Variants in PRRC2B observed in about 807,000 individuals in gnomAD.
PRRC2B encodes the protein proline rich coiled-coil 2B.
Under a neutral mutation model 242.3 loss-of-function variants are expected in PRRC2B, and 68 were observed. That is an observed-to-expected ratio of 0.28 (90% CI 0.23 to 0.34). The LOEUF is 0.34. Among genes scored for constraint, PRRC2B ranks in the 10% least tolerant of loss-of-function variants. The pLI, the probability that PRRC2B is intolerant of heterozygous loss-of-function variation, is 1.00. For synonymous variants in PRRC2B, 1,228 were observed against 1,173.6 expected (o/e 1.05, Z -0.95); for missense variants, 2,835 against 2,954.8 (o/e 0.96, Z 0.94).
chr9:131,420,456 T>TCCTTCCTTCCTTCCTTCCTTCCTTCCTTC (rs1564278474), intron 1 of PRRC2B, among the ~76,000 whole-genome samples: 3 of 8,756 alleles, frequency 3.4e-4, no homozygotes, highest in African/African-American at 5.7e-4. Flanking sequence ...TTTTTCTTTT[T>TCCTTCCTTCCTTCCTTCCTTCCTTCCTTC]CTTTCTTTCT....
At chr9:131,407,388 C>T (rs1017235879) in intron 1 of PRRC2B, among the ~76,000 whole-genome samples, 30 of 152,078 alleles carry the variant, frequency 2.0e-4, no homozygotes, top group Non-Finnish European at 4.0e-4. Context: ...GTGTTTATAA[C>T]GTGTGTAGTG....
intron 14 of PRRC2B, among the ~76,000 whole-genome samples, chr9:131,473,181 A>G (rs1943591165): frequency 6.6e-6 from 1 of 151,952 alleles, no homozygotes. Context: ...TGTTTTAAAC[A>G]ATGTCTCAGT....
At position 131,481,332 on chromosome 9, in the gene PRRC2B, AG is replaced by A. The variant is rs1304055690; in HGVS notation, c.4901-393del. Among the ~76,000 whole-genome samples the A allele has an allele frequency of 1.5e-3, 222 of 149,728 alleles. 1 individual carries two copies. Among genetic ancestry groups the A allele is most frequent in the African/African-American group, 5.4e-3 (221 of 40,864 alleles). On this transcript the variant is annotated intron_variant, in intron 19 of 31. Transcript: ENST00000683519. ...TCTCCAAAAAAAAAAAAAAAAAAAAAGAAAGATATATTTTTTAATGTAAAAA... is the reference window on the plus strand; with the variant it reads ...TCTCCAAAAAAAAAAAAAAAAAAAAAAAAGATATATTTTTTAATGTAAAAA...
intron 1 of PRRC2B, among the ~76,000 whole-genome samples, chr9:131,420,478 T>TC (rs1564278567): frequency 1.1e-3 from 18 of 15,702 alleles, no homozygotes; most frequent in African/African-American, 2.1e-3. Flanking sequence ...TCTTTCTTTC[T>TC]TTCTTTCTTT....
At position 131,432,567 on chromosome 9, in the gene PRRC2B, C is replaced by T. The variant is rs376374851; in HGVS notation, c.116-50C>T. On this transcript the variant is annotated intron_variant, in intron 2 of 31. Coordinates refer to ENST00000683519, the MANE Select transcript of PRRC2B (RefSeq NM_013318.4). ...CAGCTGAATGCATCAGGCTTCTTTC[C>T]TTCTGTGACCTTTTTGCATGGTGTC... 89 of 1,555,642 alleles carry T rather than the reference C, an allele frequency of 5.7e-5. 1 individual carries two copies. In the South Asian group the frequency reaches 6.5e-4, roughly 11 times the overall value.
intron 3 of PRRC2B, 34 bp downstream of exon 3, chr9:131,432,828 G>A (rs374045685): frequency 4.4e-6 from 7 of 1,608,370 alleles, no homozygotes; most frequent in African/African-American, 4.0e-5. Flanking sequence ...AGTGGGAGCT[G>A]GCGCTCCAAG....
chr9:131,446,287 T>C lies in PRRC2B; in HGVS notation c.614-114T>C. 1 of 1,335,556 alleles carries C rather than the reference T, an allele frequency of 7.5e-7. No individual in the cohort carries two copies. The highest frequency in any genetic ancestry group is 1.0e-6 in the Non-Finnish European group (1 of 989,094). The allele number at this position is 1,335,556 out of a possible 1,614,324, so 82.7% of individuals were successfully genotyped here. ...AGTTCTTCACTTTTGGTGTTTTTTG[T>C]TTTTCATTTTATTTTTTTGGTGAAG... is the stretch of plus-strand genomic sequence containing the variant. On this transcript the variant is annotated intron_variant, in intron 6 of 31. Transcript: ENST00000683519. This position sits in a 1 kb window ranked among gnomAD's most constrained non-coding sequence, Gnocchi z 4.1.
At position 131,496,067 on chromosome 9, in the gene PRRC2B, C is replaced by T. The variant is rs886781280; in HGVS notation, c.*193C>T. ...GCACCCGTGGATATATGGCATTGAC[C>T]CGCTTGCTTTGATACGAAACAAAAA... On this transcript the variant is annotated 3_prime_UTR_variant, in exon 32 of 32. Coordinates refer to ENST00000683519, the MANE Select transcript of PRRC2B (RefSeq NM_013318.4). The T allele has an allele frequency of 4.3e-6, 3 of 697,732 alleles. No individual in the cohort carries two copies. In the South Asian group the frequency reaches 6.2e-5, roughly 14 times the overall value. The allele number at this position is 697,732 out of a possible 1,614,324, so 43.2% of individuals were successfully genotyped here.
At position 131,491,410 on chromosome 9, in the gene PRRC2B, A is replaced by AT. The variant is rs757131600; in HGVS notation, c.6226-13dup. ...AGCATCATTCCCCCTCCTGACTGTCATTGTCGCCCAGCAGCTGACCATGCC... is the reference window on the plus strand; with the variant it reads ...AGCATCATTCCCCCTCCTGACTGTCATTTGTCGCCCAGCAGCTGACCATGCC... On this transcript the variant is annotated splice_polypyrimidine_tract_variant and intron_variant, in intron 28 of 31. Transcript: ENST00000683519. 3 of 1,579,776 alleles carry AT rather than the reference A, an allele frequency of 1.9e-6. No homozygotes were observed. The African/African-American group carries it at 4.1e-5, about 21-fold the overall frequency.
At chr9:131,406,643 C>G (rs1837369271) in intron 1 of PRRC2B, among the ~76,000 whole-genome samples, 1 of 152,124 alleles carries the variant, frequency 6.6e-6, no homozygotes, top group African/African-American at 2.4e-5. Flanking sequence ...GAACCTGTCT[C>G]ACAGCATTGC....
chr9:131,451,192 GATTGAGACCATCC>G (rs1480028390), intron 9 of PRRC2B, among the ~76,000 whole-genome samples: 52 of 152,306 alleles, frequency 3.4e-4, no homozygotes, highest in African/African-American at 1.2e-3. Flanking sequence ...AAGATCAGGA[GATTGAGACCATCC>G]TGGCTAACAT....
At chr9:131,415,002 T>G (rs774729969) in intron 1 of PRRC2B, among the ~76,000 whole-genome samples, 4 of 152,214 alleles carry the variant, frequency 2.6e-5, no homozygotes, top group African/African-American at 7.2e-5. Context: ...CTTTTTTGTT[T>G]GTTTTTTTGA....
intron 14 of PRRC2B, 56 bp downstream of exon 14, chr9:131,471,039 C>G (rs1943531369): frequency 7.7e-7 from 1 of 1,293,394 alleles, no homozygotes; most frequent in South Asian, 1.3e-5. Context: ...GCGTGGTGGT[C>G]AAGGGTGTCC....
rs1047751544 is a variant in PRRC2B at position 131,459,710 on chromosome 9, T to C, written c.1404+354T>C. Among the ~76,000 whole-genome samples the C allele has an allele frequency of 1.3e-4, 19 of 151,860 alleles. 1 individual carries two copies. Among genetic ancestry groups the C allele is most frequent in the Admixed American group, 6.6e-4 (10 of 15,244 alleles). ...GTGCTGCCACACCTGGCTCATTTCA[T>C]TCATTTTTTGTAGAGACGAGGTCTT... On this transcript the variant is annotated intron_variant, in intron 11 of 31. Transcript: ENST00000683519.
In PRRC2B at chr9:131,474,851, C is replaced by G; in HGVS notation, c.2722C>G (p.Pro908Ala). The G allele has an allele frequency of 6.2e-7, 1 of 1,609,620 alleles. No homozygotes were observed. The highest frequency in any genetic ancestry group is 8.5e-7 in the Non-Finnish European group (1 of 1,178,578). Residue 908 changes from proline (P) to alanine (A), a missense_variant, in exon 16 of 32, where the codon CCC becomes GCC. Physicochemically the swap from Pro to Ala is conservative, Grantham distance 27. This residue lies in a region of PRRC2B where 1,536 missense variants were observed against 1,483.1 expected (regional missense o/e 1.04). Coordinates refer to ENST00000683519, the MANE Select transcript of PRRC2B (RefSeq NM_013318.4). ...CTCCTCCTGGGACAAGAACGGGAGC[C>G]CCAACAAACAGCCATCCTCGGAGCC... ...NISSWDKNGS[P>A]NKQPSSEPEW...
chr9:131,493,488 A>G (rs1222415486), intron 30 of PRRC2B, among the ~76,000 whole-genome samples: 1 of 152,254 alleles, frequency 6.6e-6, no homozygotes, highest in Non-Finnish European at 1.5e-5. Context: ...AGCCTTCCTC[A>G]AAAAGCAAAA....
intron 1 of PRRC2B, among the ~76,000 whole-genome samples, chr9:131,399,087 C>G (rs562257635): frequency 2.7e-4 from 40 of 150,760 alleles, no homozygotes; most frequent in African/African-American, 9.8e-4. Flanking sequence ...ACCAGCCTGG[C>G]CAACATGGTG....
At position 131,446,688 on chromosome 9, in the gene PRRC2B, G is replaced by T; in HGVS notation, c.855+46G>T. On this transcript the variant is annotated intron_variant, in intron 7 of 31. Transcript: ENST00000683519. This position sits in a 1 kb window ranked among gnomAD's most constrained non-coding sequence, Gnocchi z 4.1. Reference sequence around the variant, plus strand: ...TTTTTTCCCCCCATGAAGTTGGATTGTGTCCAGCAGATAGGTCAAGTGGTT... The same window carrying T: ...TTTTTTCCCCCCATGAAGTTGGATTTTGTCCAGCAGATAGGTCAAGTGGTT... 1 of 1,603,138 alleles carries T rather than the reference G, an allele frequency of 6.2e-7. No homozygotes were observed.
chr9:131,448,939 C>T (rs1388076575), intron 9 of PRRC2B, among the ~76,000 whole-genome samples: 12 of 152,206 alleles, frequency 7.9e-5, no homozygotes, highest in Non-Finnish European at 1.8e-4. Flanking sequence ...CAGGCTTCCT[C>T]ATTGCTTCTC....
Sources: gnomAD v4.1 joint callset for allele counts (sites outside exome capture counted in the v4.1 genomes callset) on GRCh38, gnomAD v4.1.1 for gene constraint, gnomAD v4.1.1 regional missense constraint, Gnocchi (gnomAD v3.1) non-coding constraint, MANE v1.5 for transcripts, NCBI Gene and HGNC (gene_info 2026-07-23, HGNC 2026-07-21) for gene names.